Variants in IGFL2 observed in about 807,000 individuals in gnomAD.
IGFL2 encodes insulin growth factor-like family member 2.
IGFL2 carries 7 observed loss-of-function variants against 13.9 expected under a neutral mutation model. The observed-to-expected ratio is 0.51, with a 90% CI of 0.29 to 0.95. The LOEUF is 0.95. IGFL2 is among the 40% of genes least tolerant of loss of function. The pLI, the probability that IGFL2 is intolerant of heterozygous loss-of-function variation, is 0.08. For synonymous variants in IGFL2, 55 were observed against 55.8 expected (o/e 0.99, Z 0.07); for missense variants, 138 against 147.8 (o/e 0.93, Z 0.34).
chr19:46,079,813 C>G, the IGFL2 span, among the ~76,000 whole-genome samples: 2 of 152,152 alleles, frequency 1.3e-5, no homozygotes, highest in African/African-American at 4.8e-5. Context: ...CCAAAAAAGC[C>G]TTCCCTCAAG....
intron 1 of IGFL2, among the ~76,000 whole-genome samples, chr19:46,150,521 T>C (rs1213188133): frequency 6.6e-6 from 1 of 152,218 alleles, no homozygotes; most frequent in Non-Finnish European, 1.5e-5. Flanking sequence ...TTGTGTATAT[T>C]TATGGGGTAA....
chr19:46,212,155 C>T, the IGFL2 span: 2 of 152,196 alleles, frequency 1.3e-5, no homozygotes, highest in Non-Finnish European at 2.9e-5. Context: ...CACTCTACCC[C>T]ACAGCAACAA....
At chr19:46,079,408 G>C in the IGFL2 span, among the ~76,000 whole-genome samples, 1 of 152,238 alleles carries the variant, frequency 6.6e-6, no homozygotes, top group Non-Finnish European at 1.5e-5. Context: ...AGCGAGTCGT[G>C]CGTACCATGG....
At chr19:46,177,318 G>C in the IGFL2 span, among the ~76,000 whole-genome samples, 1 of 152,152 alleles carries the variant, frequency 6.6e-6, no homozygotes, top group Non-Finnish European at 1.5e-5. Context: ...ACTTGAGCCT[G>C]GGAGGCAGAG....
At chr19:46,107,786 A>G in the IGFL2 span, among the ~76,000 whole-genome samples, 115 of 152,276 alleles carry the variant, frequency 7.6e-4, no homozygotes, top group Admixed American at 6.6e-3. Flanking sequence ...TAAAATGCAT[A>G]TTGAGAATAA....
At chr19:46,137,413 C>T in the IGFL2 span, 2 of 1,044,658 alleles carry the variant, frequency 1.9e-6, no homozygotes, top group South Asian at 2.5e-5. Flanking sequence ...CTTTTTCTTG[C>T]TCGGAAGGAT....
chr19:46,179,909 C>CT, the IGFL2 span, among the ~76,000 whole-genome samples: 3 of 152,120 alleles, frequency 2.0e-5, no homozygotes, highest in African/African-American at 7.2e-5. Context: ...GAGTGAGACT[C>CT]TGTCTCAAAA....
At chr19:46,089,567 C>A in the IGFL2 span, among the ~76,000 whole-genome samples, 1 of 151,690 alleles carries the variant, frequency 6.6e-6, no homozygotes, top group Non-Finnish European at 1.5e-5. Context: ...GGTAAACTCC[C>A]CCAGCACTTG....
chr19:46,147,301 C>T (rs1011983696), upstream of IGFL2, among the ~76,000 whole-genome samples: 1 of 152,124 alleles, frequency 6.6e-6, no homozygotes, highest in African/African-American at 2.4e-5. Flanking sequence ...AGGCTGAGGC[C>T]CACAAACTAT....
the IGFL2 span, among the ~76,000 whole-genome samples, chr19:46,132,441 A>G: frequency 6.6e-6 from 1 of 152,352 alleles, no homozygotes. Context: ...CTTTGGTTCC[A>G]CGTGCTGTCA....
the IGFL2 span, among the ~76,000 whole-genome samples, chr19:46,122,148 A>G: frequency 2.6e-5 from 4 of 150,986 alleles, no homozygotes; most frequent in South Asian, 2.1e-4. Flanking sequence ...GAAGCCCTCA[A>G]AATAAAAAGT....
chr19:46,177,473 C>CAT, the IGFL2 span, among the ~76,000 whole-genome samples: 182 of 151,528 alleles, frequency 1.2e-3, 1 homozygote, highest in African/African-American at 1.2e-3. Context: ...TATATATATA[C>CAT]ATATATATAT....
the IGFL2 span, among the ~76,000 whole-genome samples, chr19:46,103,822 G>A: frequency 2.6e-5 from 4 of 152,182 alleles, no homozygotes; most frequent in Non-Finnish European, 5.9e-5. Flanking sequence ...TTATCATTTA[G>A]GAATGCGGGT....
the IGFL2 span, among the ~76,000 whole-genome samples, chr19:46,192,183 G>C: frequency 6.6e-6 from 1 of 152,178 alleles, no homozygotes; most frequent in African/African-American, 2.4e-5. Flanking sequence ...CCTGTGGCTA[G>C]CGCTCCCAGG....
At chr19:46,093,907 C>T in the IGFL2 span, among the ~76,000 whole-genome samples, 5 of 150,760 alleles carry the variant, frequency 3.3e-5, no homozygotes, top group African/African-American at 4.9e-5. Flanking sequence ...AGTTAAAAAA[C>T]TGATGACATA....
chr19:46,118,924 C>T, the IGFL2 span, among the ~76,000 whole-genome samples: 1 of 152,062 alleles, frequency 6.6e-6, no homozygotes. Flanking sequence ...TTTGAGTTGA[C>T]ATGGCTGCAG....
the IGFL2 span, chr19:46,113,927 CA>C: frequency 6.5e-6 from 1 of 152,986 alleles, no homozygotes; most frequent in Non-Finnish European, 1.5e-5. Flanking sequence ...AGATGAGAGA[CA>C]AAATATACAG....
the IGFL2 span, among the ~76,000 whole-genome samples, chr19:46,083,526 G>A: frequency 2.0e-5 from 3 of 152,068 alleles, no homozygotes; most frequent in Non-Finnish European, 2.9e-5. Context: ...GAGGAGAGGA[G>A]GTGCGATGAG....
At chr19:46,136,302 T>C in the IGFL2 span, among the ~76,000 whole-genome samples, 2 of 152,174 alleles carry the variant, frequency 1.3e-5, no homozygotes, top group Admixed American at 1.3e-4. Context: ...AAATATTATG[T>C]CATGAAAAAA....
Sources: allele counts gnomAD v4.1 joint callset (sites outside exome capture counted in the v4.1 genomes callset), GRCh38; gene constraint gnomAD v4.1.1; transcripts MANE v1.5; gene names NCBI Gene and HGNC (gene_info 2026-07-23, HGNC 2026-07-21).